Variants in EHMT1 observed in about 807,000 individuals in gnomAD.
EHMT1 encodes the protein euchromatic histone lysine methyltransferase 1, also known as histone-lysine N-methyltransferase EHMT1.
Under a neutral mutation model 147.2 loss-of-function variants are expected in EHMT1, and 15 were observed. The observed-to-expected ratio is 0.10, with a 90% CI of 0.07 to 0.16. EHMT1 has a LOEUF of 0.16. Ranked by LOEUF, EHMT1 falls within the 10% of genes least tolerant of loss-of-function variation. EHMT1 has a pLI of 1.00. For missense variants in EHMT1, 1,587 were observed against 1,772.4 expected, an observed-to-expected ratio of 0.90 and a Z score of 1.88; for synonymous variants, 795 against 709.6, an observed-to-expected ratio of 1.12 and a Z score of -1.91.
intron 18 of EHMT1, among the ~76,000 whole-genome samples, chr9:137,810,233 C>T (rs1336806558): frequency 6.8e-6 from 1 of 147,384 alleles, no homozygotes; most frequent in African/African-American, 2.4e-5. Flanking sequence ...GGTTCCGATG[C>T]CGCCCCGCGT....
At chr9:137,803,655 T>A (rs975687008) in intron 18 of EHMT1, among the ~76,000 whole-genome samples, 2 of 152,058 alleles carry the variant, frequency 1.3e-5, no homozygotes, top group African/African-American at 4.8e-5. Context: ...GTAGAATGGT[T>A]AGAACATATG....
intron 22 of EHMT1, 101 bp from the exon 23 acceptor site, chr9:137,815,846 C>G: frequency 1.0e-6 from 1 of 998,394 alleles, no homozygotes; most frequent in Non-Finnish European, 1.5e-6. Flanking sequence ...GTTTTTATGT[C>G]CGTTTAAGCC....
At chr9:137,728,284 T>C in intron 3 of EHMT1, 65 bp from the exon 4 acceptor site, 1 of 1,605,032 alleles carries the variant, frequency 6.2e-7, no homozygotes, top group Non-Finnish European at 8.5e-7. Flanking sequence ...GTGATTTTGG[T>C]TGCATGTTAT....
At chr9:137,712,950 TG>T (rs749512838) in intron 2 of EHMT1, among the ~76,000 whole-genome samples, 12 of 152,320 alleles carry the variant, frequency 7.9e-5, no homozygotes, top group Middle Eastern at 3.4e-3. Flanking sequence ...AGTTAATTTT[TG>T]TATATGGTTT....
At position 137,650,291 on chromosome 9, in the gene EHMT1, G is replaced by C. The variant is rs546968769; in HGVS notation, c.21+31242G>C. Among the ~76,000 whole-genome samples, 21 of 152,168 alleles carry C rather than the reference G, an allele frequency of 1.4e-4. No homozygotes were observed. The East Asian group carries it at 3.7e-3, about 27-fold the overall frequency. Reference sequence around the variant, plus strand: ...ATTTAAACATTTTTTTTAGAATGGGGTTTCACCATGTTGCCCAGGCTATTC... The same window carrying C: ...ATTTAAACATTTTTTTTAGAATGGGCTTTCACCATGTTGCCCAGGCTATTC... On this transcript the variant is annotated intron_variant, in intron 1 of 26. Transcript: ENST00000460843.
chr9:137,674,026 C>A (rs1021448541), intron 1 of EHMT1, among the ~76,000 whole-genome samples: 3 of 152,168 alleles, frequency 2.0e-5, no homozygotes, highest in Non-Finnish European at 4.4e-5. Context: ...AAGGTGCTGA[C>A]CAGCTAAAGC....
intron 1 of EHMT1, chr9:137,638,273 G>T (rs1844227450): frequency 6.6e-6 from 1 of 152,164 alleles, no homozygotes; most frequent in South Asian, 2.1e-4. Context: ...ACCATGCCCA[G>T]CTAATTTTTT....
At chr9:137,680,821 C>G (rs368379019) in intron 1 of EHMT1, 1 of 152,428 alleles carries the variant, frequency 6.6e-6, no homozygotes, top group South Asian at 2.1e-4. Context: ...CTGGTGAGGC[C>G]GGACACTTGC....
intron 1 of EHMT1, among the ~76,000 whole-genome samples, chr9:137,660,700 T>C (rs1938986907): frequency 6.6e-6 from 1 of 152,234 alleles, no homozygotes; most frequent in Non-Finnish European, 1.5e-5. Flanking sequence ...TATATTTCTC[T>C]CTTCATTTAG....
rs1456489011 is a variant in EHMT1 at position 137,834,332 on chromosome 9, G to A, written c.3541-17G>A. On this transcript the variant is annotated splice_polypyrimidine_tract_variant and intron_variant, in intron 25 of 26. Coordinates refer to ENST00000460843, the MANE Select transcript of EHMT1 (RefSeq NM_024757.5). ...GGCCTTGCTAACTGCAGCCCGTGCC[G>A]GCTTCTCGCCCTGCAGGACGGGGAG... 6.2e-7 allele frequency: 1 copy of A among 1,600,490 alleles called. No homozygotes were observed. The highest frequency in any genetic ancestry group is 8.5e-7 in the Non-Finnish European group (1 of 1,177,790).
intron 3 of EHMT1, among the ~76,000 whole-genome samples, chr9:137,723,063 G>A (rs1430044744): frequency 4.3e-4 from 50 of 116,830 alleles, no homozygotes; most frequent in Non-Finnish European, 7.0e-4. Context: ...CTGGGCCTGA[G>A]CCGGGGGTGT....
At chr9:137,670,781 G>C (rs1415392023) in intron 1 of EHMT1, among the ~76,000 whole-genome samples, 4 of 152,310 alleles carry the variant, frequency 2.6e-5, no homozygotes, top group Non-Finnish European at 5.9e-5. Context: ...GCGGGGCTTA[G>C]CGCTCTCCTG....
chr9:137,739,298 G>C (rs988372480), intron 4 of EHMT1, among the ~76,000 whole-genome samples: 2 of 151,304 alleles, frequency 1.3e-5, no homozygotes, highest in Non-Finnish European at 2.9e-5. Context: ...GGAGCTTGCA[G>C]TGAGCGGAGA....
chr9:137,789,094 T>C (rs1952275997), intron 15 of EHMT1: 1 of 152,488 alleles, frequency 6.6e-6, no homozygotes, highest in African/African-American at 2.4e-5. Context: ...TTCCTTCTGC[T>C]TACCCGGGTC....
chr9:137,627,258 A>ATTTT (rs1196958635), intron 1 of EHMT1, among the ~76,000 whole-genome samples: 4 of 113,856 alleles, frequency 3.5e-5, no homozygotes, highest in African/African-American at 6.8e-5. Flanking sequence ...ATGCCTGGCC[A>ATTTT]TTTTTTTTTT....
At position 137,813,333 on chromosome 9, in the gene EHMT1, C is replaced by T; in HGVS notation, c.3036-53C>T. On this transcript the variant is annotated intron_variant, in intron 20 of 26. Transcript: ENST00000460843. This position sits in a 1 kb window ranked among gnomAD's most constrained non-coding sequence, Gnocchi z 4.9. ...GCCGCCCCACTGCACGCTGTGCCAC[C>T]CCCTGGGCAGAGCACGTCAGCCACC... 2 of 1,586,030 alleles carry T rather than the reference C, an allele frequency of 1.3e-6. No individual in the cohort carries two copies. Among genetic ancestry groups the T allele is most frequent in the Non-Finnish European group, 1.7e-6 (2 of 1,170,318 alleles).
In EHMT1 at chr9:137,782,850, T is replaced by C. The variant is rs927633797; in HGVS notation, c.2382+453T>C. ...AATCACTGGCTTGTGTTTCTGTTGG[T>C]TGAGTTGACTCTGCCACCTGCTAAT... On this transcript the variant is annotated intron_variant, in intron 15 of 26. Coordinates refer to ENST00000460843, the MANE Select transcript of EHMT1 (RefSeq NM_024757.5). This position sits in a 1 kb window ranked among gnomAD's most constrained non-coding sequence, Gnocchi z 5.7. 1.8e-4 allele frequency among the ~76,000 whole-genome samples: 28 copies of C among 152,180 alleles called. No homozygotes were observed. The highest frequency in any genetic ancestry group is 9.2e-4 in the Admixed American group (14 of 15,278).
At chr9:137,717,307 A>C in intron 3 of EHMT1, 125 bp downstream of exon 3, 2 of 1,275,670 alleles carry the variant, frequency 1.6e-6, no homozygotes, top group Non-Finnish European at 2.2e-6. Flanking sequence ...AGGGCCTATG[A>C]GGAGCTAGGA....
chr9:137,782,470 A>G lies in EHMT1; in HGVS notation c.2382+73A>G. On this transcript the variant is annotated intron_variant, in intron 15 of 26. Coordinates refer to ENST00000460843, the MANE Select transcript of EHMT1 (RefSeq NM_024757.5). This position sits in a 1 kb window ranked among gnomAD's most constrained non-coding sequence, Gnocchi z 5.7. ...ATTTTTACCAAAGTAAAATCATACC[A>G]CGTTCGCGGTTCTTCCAGTGTAAGA... The G allele has an allele frequency of 2.9e-6, 4 of 1,388,174 alleles. No homozygotes were observed. Among genetic ancestry groups the G allele is most frequent in the Non-Finnish European group, 3.9e-6 (4 of 1,013,994 alleles). The allele number at this position is 1,388,174 out of a possible 1,614,324, so 86.0% of individuals were successfully genotyped here.
Sources: gnomAD v4.1 joint callset for allele counts (sites outside exome capture counted in the v4.1 genomes callset) on GRCh38, gnomAD v4.1.1 for gene constraint, Gnocchi (gnomAD v3.1) non-coding constraint, MANE v1.5 for transcripts, NCBI Gene and HGNC (gene_info 2026-07-23, HGNC 2026-07-21) for gene names.